CREB5: variants seen among roughly 807,000 people sequenced by gnomAD.
CREB5 encodes cyclic AMP-responsive element-binding protein 5.
In CREB5, 19 loss-of-function variants were observed where a neutral mutation model predicts 57.1. The observed-to-expected ratio is 0.33, with a 90% CI of 0.23 to 0.49. The LOEUF is 0.49. Among genes scored for constraint, CREB5 ranks in the 20% least tolerant of loss-of-function variants. CREB5 has a pLI of 0.99. For missense variants in CREB5, 579 were observed against 671.6 expected, an observed-to-expected ratio of 0.86 and a Z score of 1.52; for synonymous variants, 238 against 238.3, an observed-to-expected ratio of 1.00 and a Z score of 0.01.
intron 5 of CREB5, among the ~76,000 whole-genome samples, chr7:28,663,099 C>G (rs1194710500): frequency 6.6e-6 from 1 of 150,744 alleles, no homozygotes; most frequent in Non-Finnish European, 1.5e-5. Flanking sequence ...GAGCCGAGAT[C>G]GCACCACTGC....
At chr7:28,313,122 G>A (rs1785312021) in intron 1 of CREB5, among the ~76,000 whole-genome samples, 1 of 152,142 alleles carries the variant, frequency 6.6e-6, no homozygotes, top group Non-Finnish European at 1.5e-5. Flanking sequence ...TCTGGGACGG[G>A]TCTTGAGAAA....
At chr7:28,780,823 C>T (rs1806931053) in intron 7 of CREB5, among the ~76,000 whole-genome samples, 1 of 152,110 alleles carries the variant, frequency 6.6e-6, no homozygotes, top group African/African-American at 2.4e-5. Context: ...TTTTTTATTT[C>T]AGCATTCAGT....
chr7:28,420,643 C>G (rs1025961703), intron 1 of CREB5, among the ~76,000 whole-genome samples: 6 of 151,578 alleles, frequency 4.0e-5, no homozygotes, highest in African/African-American at 1.5e-4. Context: ...CCCTTCTCTA[C>G]TAAAAATACA....
At chr7:28,622,160 G>A (rs1312115563) in intron 5 of CREB5, among the ~76,000 whole-genome samples, 4 of 151,982 alleles carry the variant, frequency 2.6e-5, no homozygotes, top group East Asian at 1.9e-4. Context: ...AACAATTAAC[G>A]TGTTTTCCTG....
intron 1 of CREB5, among the ~76,000 whole-genome samples, chr7:28,385,689 G>A (rs1344664014): frequency 6.7e-6 from 1 of 148,554 alleles, no homozygotes; most frequent in Non-Finnish European, 1.5e-5. Flanking sequence ...AAAAAAAAAA[G>A]TATGTATATG....
At chr7:28,764,530 T>A (rs1189909630) in intron 7 of CREB5, among the ~76,000 whole-genome samples, 1 of 152,178 alleles carries the variant, frequency 6.6e-6, no homozygotes, top group East Asian at 1.9e-4. Flanking sequence ...GGTGCAAATA[T>A]TCGTGTTGGA....
chr7:28,324,880 C>A (rs541801269), intron 1 of CREB5, among the ~76,000 whole-genome samples: 1 of 152,304 alleles, frequency 6.6e-6, no homozygotes, highest in East Asian at 1.9e-4. Flanking sequence ...CAGTAAATAG[C>A]CCTGTCATCC....
intron 1 of CREB5, among the ~76,000 whole-genome samples, chr7:28,314,895 A>G (rs1785347210): frequency 6.6e-6 from 1 of 152,232 alleles, no homozygotes; most frequent in Non-Finnish European, 1.5e-5. Flanking sequence ...TGAAGGCTGT[A>G]GAAAGCCTAA....
At chr7:28,658,122 C>T (rs960158695) in intron 5 of CREB5, among the ~76,000 whole-genome samples, 1 of 152,186 alleles carries the variant, frequency 6.6e-6, no homozygotes, top group Non-Finnish European at 1.5e-5. Context: ...TAAATACACT[C>T]ATAAGGGCGG....
chr7:28,724,416 C>A, intron 7 of CREB5, 84 bp downstream of exon 7: 3 of 1,129,260 alleles, frequency 2.7e-6, no homozygotes, highest in Non-Finnish European at 3.9e-6. Context: ...CTTAGTTCAG[C>A]TAGGTAGAGG....
chr7:28,574,757 AGAAT>A (rs1006084058), intron 5 of CREB5, among the ~76,000 whole-genome samples: 2 of 152,230 alleles, frequency 1.3e-5, no homozygotes, highest in Admixed American at 6.5e-5. Context: ...TCTGGTTAAG[AGAAT>A]GAATTGGCCA....
At chr7:28,553,171 T>G (rs1794736274) in intron 4 of CREB5, among the ~76,000 whole-genome samples, 1 of 152,234 alleles carries the variant, frequency 6.6e-6, no homozygotes, top group Non-Finnish European at 1.5e-5. Context: ...TCCCCAGCAC[T>G]GCAGGGACTC....
chr7:28,645,567 T>G (rs1030845150), intron 5 of CREB5, among the ~76,000 whole-genome samples: 2 of 152,228 alleles, frequency 1.3e-5, no homozygotes, highest in African/African-American at 4.8e-5. Flanking sequence ...ACAGAGAATA[T>G]TTAATCATAT....
chr7:28,520,786 G>A (rs577351899), intron 4 of CREB5, among the ~76,000 whole-genome samples: 2 of 152,126 alleles, frequency 1.3e-5, no homozygotes, highest in African/African-American at 4.8e-5. Flanking sequence ...CAGTGTACAG[G>A]GTTGGGTAAT....
chr7:28,419,717 C>T (rs1196312876), intron 1 of CREB5, among the ~76,000 whole-genome samples: 1 of 152,130 alleles, frequency 6.6e-6, no homozygotes, highest in Non-Finnish European at 1.5e-5. Flanking sequence ...CACATTGTAA[C>T]TCCTATTGGC....
chr7:28,677,613 G>T (rs1156525325), intron 5 of CREB5, among the ~76,000 whole-genome samples: 1 of 152,216 alleles, frequency 6.6e-6, no homozygotes, highest in Non-Finnish European at 1.5e-5. Context: ...AAAAGGAGGA[G>T]TCAGAGTGTT....
intron 4 of CREB5, among the ~76,000 whole-genome samples, chr7:28,543,338 A>G (rs1441354481): frequency 6.6e-6 from 1 of 152,226 alleles, no homozygotes; most frequent in Non-Finnish European, 1.5e-5. Context: ...GTATTCATAT[A>G]CTAAAACTTA....
At chr7:28,474,047 G>C (rs569706228) in intron 1 of CREB5, among the ~76,000 whole-genome samples, 2 of 152,298 alleles carry the variant, frequency 1.3e-5, no homozygotes, top group East Asian at 3.9e-4. Context: ...TCCTGTTTCA[G>C]AGGGCATCCA....
upstream of CREB5, among the ~76,000 whole-genome samples, chr7:28,408,321 G>C (rs775268071): frequency 6.6e-6 from 1 of 152,212 alleles, no homozygotes; most frequent in African/African-American, 2.4e-5. Context: ...TGCGAGGTTG[G>C]CATTGGTCGT....
Sources: gnomAD v4.1 joint callset for allele counts (sites outside exome capture counted in the v4.1 genomes callset) on GRCh38, gnomAD v4.1.1 for gene constraint, MANE v1.5 for transcripts, NCBI Gene and HGNC (gene_info 2026-07-23, HGNC 2026-07-21) for gene names.